Variants in KIAA1549L observed in about 807,000 individuals in gnomAD.
KIAA1549L encodes KIAA1549 like.
Under a neutral mutation model 160.7 loss-of-function variants are expected in KIAA1549L, and 88 were observed. The ratio of observed to expected loss-of-function variants is 0.55; its 90% confidence interval spans 0.46 to 0.65. The LOEUF is 0.65. Among genes scored for constraint, KIAA1549L ranks in the 30% least tolerant of loss-of-function variants. KIAA1549L has a pLI of 0.00. For synonymous variants in KIAA1549L, 950 were observed against 976.7 expected (o/e 0.97, Z 0.51); for missense variants, 2,258 against 2,437.5 (o/e 0.93, Z 1.55).
chr11:33,408,510 TACAC>T (rs35886017), intron 1 of KIAA1549L, among the ~76,000 whole-genome samples: 3 of 146,098 alleles, frequency 2.1e-5, no homozygotes, highest in South Asian at 2.2e-4. Flanking sequence ...TATATATATA[TACAC>T]ATGTATATAT....
At chr11:33,483,357 A>T (rs966076204) in intron 1 of KIAA1549L, among the ~76,000 whole-genome samples, 5 of 152,136 alleles carry the variant, frequency 3.3e-5, no homozygotes, top group Non-Finnish European at 7.4e-5. Context: ...TGGGAAGGCG[A>T]ACCTTGAGCA....
rs543368109 is a variant in KIAA1549L at position 33,590,757 on chromosome 11, G to C, written c.4567-480G>C. Among the ~76,000 whole-genome samples, 4 of 152,296 alleles carry C rather than the reference G, an allele frequency of 2.6e-5. No individual in the cohort carries two copies. The East Asian group carries it at 7.7e-4, about 29-fold the overall frequency. On this transcript the variant is annotated intron_variant, in intron 11 of 20. Coordinates refer to ENST00000658780, the MANE Select transcript of KIAA1549L (RefSeq NM_012194.3). ...CAGATAAGATTATCTTCAGTTCTCA[G>C]ATGAAAAAATTGAGGTTCAGAGTTC...
chr11:33,550,920 A>G, intron 4 of KIAA1549L, 120 bp from the exon 5 acceptor site: 1 of 815,890 alleles, frequency 1.2e-6, no homozygotes, highest in Non-Finnish European at 2.1e-6. Flanking sequence ...ATATTTGTTG[A>G]ACGAGAACAT....
intron 16 of KIAA1549L, among the ~76,000 whole-genome samples, chr11:33,629,785 G>A (rs1366204287): frequency 1.3e-5 from 2 of 150,656 alleles, no homozygotes; most frequent in African/African-American, 5.0e-5. Context: ...TCTTCTCTCA[G>A]CTCGTCAAAG....
At chr11:33,556,416 A>G (rs759091756) in intron 6 of KIAA1549L, among the ~76,000 whole-genome samples, 1 of 152,260 alleles carries the variant, frequency 6.6e-6, no homozygotes, top group Non-Finnish European at 1.5e-5. Context: ...CCATGTGTCC[A>G]TTAATGAATG....
chr11:33,573,120 T>C (rs967509711), intron 9 of KIAA1549L, among the ~76,000 whole-genome samples: 18 of 152,204 alleles, frequency 1.2e-4, no homozygotes, highest in African/African-American at 4.3e-4. Flanking sequence ...TTCTATTGGG[T>C]TGTAATAATA....
At chr11:33,548,744 C>T (rs1185933695) in intron 4 of KIAA1549L, among the ~76,000 whole-genome samples, 1 of 152,126 alleles carries the variant, frequency 6.6e-6, no homozygotes, top group Non-Finnish European at 1.5e-5. Flanking sequence ...GGTTTGATTC[C>T]AAGTTTTCAA....
At chr11:33,500,171 T>C (rs1852912088) in intron 1 of KIAA1549L, among the ~76,000 whole-genome samples, 1 of 152,216 alleles carries the variant, frequency 6.6e-6, no homozygotes, top group African/African-American at 2.4e-5. Context: ...GACTGGCTTT[T>C]TCAGGGTGTT....
chr11:33,530,432 AAAAAATATATATATATAT>A lies in KIAA1549L; in HGVS notation c.239-11368_239-11351del, dbSNP rs1251673472. 4.7e-3 allele frequency among the ~76,000 whole-genome samples: 48 copies of A among 10,314 alleles called. 3 individuals are homozygous for A. Among genetic ancestry groups the A allele is most frequent in the Non-Finnish European group, 6.3e-3 (34 of 5,426 alleles). 6.8% of individuals were successfully genotyped at this position (10,314 alleles called of 152,430 possible). On this transcript the variant is annotated intron_variant, in intron 1 of 20. Coordinates refer to ENST00000658780, the MANE Select transcript of KIAA1549L (RefSeq NM_012194.3). Reference sequence around the variant, plus strand: ...GAAGAAGGAAAAAAAAAAAAAAAAAAAAAAATATATATATATATATATATATATATATATATATATATA... The same window carrying A: ...GAAGAAGGAAAAAAAAAAAAAAAAAAATATATATATATATATATATATATA...
chr11:33,447,222 C>T (rs1162541766), intron 1 of KIAA1549L, among the ~76,000 whole-genome samples: 1 of 149,276 alleles, frequency 6.7e-6, no homozygotes, highest in African/African-American at 2.6e-5. Flanking sequence ...GAACATAGCA[C>T]ACCCTGAACG....
chr11:33,601,884 T>A (rs531499490), intron 13 of KIAA1549L, among the ~76,000 whole-genome samples: 2 of 152,348 alleles, frequency 1.3e-5, no homozygotes, highest in South Asian at 4.1e-4. Flanking sequence ...TTTTAGAGTC[T>A]GTTTCATAAT....
intron 1 of KIAA1549L, among the ~76,000 whole-genome samples, chr11:33,383,993 A>G (rs146988097): frequency 1.7e-3 from 254 of 152,336 alleles, no homozygotes; most frequent in African/African-American, 5.7e-3. Flanking sequence ...TAATTTACAT[A>G]CAGTGAAATT....
intron 9 of KIAA1549L, among the ~76,000 whole-genome samples, chr11:33,573,493 A>G (rs1855337804): frequency 6.6e-6 from 1 of 152,178 alleles, no homozygotes; most frequent in South Asian, 2.1e-4. Context: ...ACAAATAGCC[A>G]TAGTTTATTC....
At chr11:33,447,851 A>C (rs966367299) in intron 1 of KIAA1549L, among the ~76,000 whole-genome samples, 4 of 152,090 alleles carry the variant, frequency 2.6e-5, no homozygotes, top group African/African-American at 9.7e-5. Context: ...TAGTTGAATA[A>C]ATGCAAGAGT....
At chr11:33,562,671 A>G (rs969759541) in intron 8 of KIAA1549L, among the ~76,000 whole-genome samples, 1 of 134,956 alleles carries the variant, frequency 7.4e-6, no homozygotes, top group Non-Finnish European at 1.6e-5. Flanking sequence ...TTTTAACTTC[A>G]TTTCCTCTTT....
In KIAA1549L at chr11:33,490,142, T is replaced by C. The variant is rs574364729; in HGVS notation, c.239-51660T>C. On this transcript the variant is annotated intron_variant, in intron 1 of 20. Coordinates refer to ENST00000658780, the MANE Select transcript of KIAA1549L (RefSeq NM_012194.3). Reference sequence around the variant, plus strand: ...ACTCAATAAGTTTCGTATCTTCCCATGGCAAATCAGGAAAGTGGGGTTCTA... The same window carrying C: ...ACTCAATAAGTTTCGTATCTTCCCACGGCAAATCAGGAAAGTGGGGTTCTA... Among the ~76,000 whole-genome samples, 5 of 152,172 alleles carry C rather than the reference T, an allele frequency of 3.3e-5. No homozygotes were observed. The East Asian group carries it at 9.7e-4, about 29-fold the overall frequency.
At chr11:33,546,779 G>A (rs1854278830) in intron 3 of KIAA1549L, among the ~76,000 whole-genome samples, 1 of 152,154 alleles carries the variant, frequency 6.6e-6, no homozygotes, top group South Asian at 2.1e-4. Context: ...GAAACTGCAG[G>A]TAGTACCAAC....
At chr11:33,547,204 A>G (rs921375388) in intron 3 of KIAA1549L, among the ~76,000 whole-genome samples, 3 of 152,348 alleles carry the variant, frequency 2.0e-5, no homozygotes, top group Admixed American at 1.3e-4. Flanking sequence ...ATCAGTTCCT[A>G]TGGAAATTTT....
At chr11:33,544,562 C>T (rs1042113892) in intron 2 of KIAA1549L, among the ~76,000 whole-genome samples, 1 of 152,200 alleles carries the variant, frequency 6.6e-6, no homozygotes, top group African/African-American at 2.4e-5. Context: ...TTGCTATCAA[C>T]CATAGCTGTG....
Sources: allele counts gnomAD v4.1 joint callset (sites outside exome capture counted in the v4.1 genomes callset), GRCh38; gene constraint gnomAD v4.1.1; transcripts MANE v1.5; gene names NCBI Gene and HGNC (gene_info 2026-07-23, HGNC 2026-07-21).